The following DNAH2 variants were observed in gnomAD, a reference collection of about 807,000 sequenced individuals.
DNAH2 encodes axonemal beta dynein heavy chain 2.
A neutral mutation model predicts 523.5 loss-of-function variants in DNAH2; 323 were observed. The ratio of observed to expected loss-of-function variants is 0.62; its 90% CI spans 0.56 to 0.68. The LOEUF is 0.68. Among genes scored for constraint, DNAH2 ranks in the 30% least tolerant of loss-of-function variants. DNAH2 has a pLI of 0.00. For missense variants in DNAH2, 4,907 were observed against 5,701.5 expected (o/e 0.86, Z 4.49); for synonymous variants, 2,093 against 2,177.4 (o/e 0.96, Z 1.08).
Position 7,726,716 on chromosome 17 carries a change from C to G in DNAH2, c.229-406C>G, listed in dbSNP as rs560719328. Among the ~76,000 whole-genome samples, 8 of 152,254 alleles carry G rather than the reference C, an allele frequency of 5.3e-5. No homozygotes were observed. In the East Asian group the frequency reaches 1.5e-3, roughly 29 times the overall value. ...TGGACTCCATCGTGAAGAAATTGCTCCTATACCCTCTCCCTTTTCCAGCTT... is the reference window on the plus strand; with the variant it reads ...TGGACTCCATCGTGAAGAAATTGCTGCTATACCCTCTCCCTTTTCCAGCTT... On this transcript the variant is annotated intron_variant, in intron 3 of 85. Coordinates refer to ENST00000572933, the MANE Select transcript of DNAH2 (RefSeq NM_020877.5).
chr17:7,806,400 G>GT (rs1158234898), intron 61 of DNAH2, among the ~76,000 whole-genome samples: 2 of 152,182 alleles, frequency 1.3e-5, no homozygotes, highest in African/African-American at 4.8e-5. Context: ...GCTCACGCCT[G>GT]TAATCCCAGC....
Position 7,811,044 on chromosome 17 carries a change from G to A in DNAH2, c.9729+3458G>A, listed in dbSNP as rs572733421. On this transcript the variant is annotated intron_variant, in intron 63 of 85. Coordinates refer to ENST00000572933, the MANE Select transcript of DNAH2 (RefSeq NM_020877.5). ...AATCTTAATATACTTTAAGGCGACT[G>A]TATCCCCAAGTCTGAACATTCCCAT... Among the ~76,000 whole-genome samples, 25 of 152,308 alleles carry A rather than the reference G, an allele frequency of 1.6e-4. 1 individual carries two copies. In the South Asian group the frequency reaches 5.2e-3, roughly 32 times the overall value.
chr17:7,750,496 A>G (rs867006000), intron 12 of DNAH2, among the ~76,000 whole-genome samples: 5 of 152,154 alleles, frequency 3.3e-5, no homozygotes, highest in African/African-American at 1.2e-4. Context: ...TAGCTTCCTA[A>G]GAAATGGTGC....
chr17:7,733,540 C>T (rs930390842), intron 5 of DNAH2, among the ~76,000 whole-genome samples: 9 of 146,702 alleles, frequency 6.1e-5, no homozygotes, highest in Non-Finnish European at 1.2e-4. Flanking sequence ...TGCAATGGCG[C>T]GATCTTGGCT....
rs191692641 is a variant in DNAH2 at position 7,812,389 on chromosome 17, C to T, written c.9730-4182C>T. Among the ~76,000 whole-genome samples, 225 of 151,836 alleles carry T rather than the reference C, an allele frequency of 1.5e-3. 1 individual carries two copies. The highest frequency in any genetic ancestry group is 4.8e-3 in the African/African-American group (197 of 41,362). On this transcript the variant is annotated intron_variant, in intron 63 of 85. Coordinates refer to ENST00000572933, the MANE Select transcript of DNAH2 (RefSeq NM_020877.5). ...TCCTAGCTCTTTGGGAGGCAGGGGC[C>T]GGGGGATTGCTTGAGCCTAGAAGTT...
At chr17:7,797,086 A>C (rs573041423) in intron 50 of DNAH2, 90 bp from the exon 51 acceptor site, 2 of 1,167,152 alleles carry the variant, frequency 1.7e-6, no homozygotes, top group East Asian at 5.0e-5. Context: ...TTGGAGACAG[A>C]GTGAGACTCT....
In DNAH2 at chr17:7,778,359, G is replaced by A. The variant is rs752893784; in HGVS notation, c.5431G>A (p.Glu1811Lys). ...PKGPAGTGKTETVKDLGKALG... is the reference protein window; with the variant it reads ...PKGPAGTGKTKTVKDLGKALG... ...AGGCCCTGCAGGCACAGGCAAGACCGAGACCGTCAAGGACCTGGGCAAGGC... is the reference window on the plus strand; with the variant it reads ...AGGCCCTGCAGGCACAGGCAAGACCAAGACCGTCAAGGACCTGGGCAAGGC... Residue 1811 changes from glutamate to lysine, a missense_variant, in exon 35 of 86, where the codon GAG (glutamate) becomes AAG (lysine). Glu to Lys is a moderately conservative substitution (Grantham distance 56, BLOSUM62 1). Coordinates refer to ENST00000572933, the MANE Select transcript of DNAH2 (RefSeq NM_020877.5). 13 of 1,614,100 alleles carry A rather than the reference G, an allele frequency of 8.1e-6. No homozygotes were observed. The highest frequency in any genetic ancestry group is 1.6e-4 in the Middle Eastern group (1 of 6,082).
intron 45 of DNAH2, 21 bp downstream of exon 45, chr17:7,792,090 T>A: frequency 6.2e-7 from 1 of 1,611,690 alleles, no homozygotes; most frequent in South Asian, 1.1e-5. Flanking sequence ...CACCTGGCTG[T>A]CCTATTTGCC....
intron 12 of DNAH2, among the ~76,000 whole-genome samples, chr17:7,749,252 G>A (rs1376135485): frequency 7.5e-6 from 1 of 134,032 alleles, no homozygotes. Flanking sequence ...AGGTTGTGGT[G>A]AGCCGAGATT....
intron 33 of DNAH2, 72 bp from the exon 34 acceptor site, chr17:7,778,005 T>C: frequency 1.5e-6 from 2 of 1,378,620 alleles, no homozygotes; most frequent in Non-Finnish European, 1.0e-6. Flanking sequence ...TGAGCCCCAC[T>C]CTCAGTCATT....
rs878920297 is a variant in DNAH2, at chr17:7,720,052, C to G, written c.166+152C>G. Reference sequence around the variant, plus strand: ...CCCCCAGCCATGGAGGTTCAGCAGCCCTGCCACTGAGTCCTTTTTTTGTAT... The same window carrying G: ...CCCCCAGCCATGGAGGTTCAGCAGCGCTGCCACTGAGTCCTTTTTTTGTAT... On this transcript the variant is annotated intron_variant, in intron 2 of 85. Transcript: ENST00000572933. The G allele has an allele frequency of 8.7e-6, 8 of 914,448 alleles. No individual in the cohort carries two copies. The Admixed American group carries it at 2.6e-4, about 30-fold the overall frequency. 56.6% of individuals were successfully genotyped at this position (914,448 alleles called of 1,614,324 possible).
chr17:7,737,552 A>G (rs1208167037), intron 8 of DNAH2, among the ~76,000 whole-genome samples: 1 of 152,206 alleles, frequency 6.6e-6, no homozygotes, highest in Non-Finnish European at 1.5e-5. Context: ...CAGACCCCCA[A>G]GCTGAGCTGT....
intron 44 of DNAH2, among the ~76,000 whole-genome samples, chr17:7,791,257 G>A (rs1039487135): frequency 6.6e-6 from 1 of 151,830 alleles, no homozygotes; most frequent in East Asian, 2.0e-4. Flanking sequence ...TTTTAGTAGA[G>A]ATGGGGTTTC....
chr17:7,761,691 G>A (rs1237642126), intron 18 of DNAH2, among the ~76,000 whole-genome samples: 1 of 151,946 alleles, frequency 6.6e-6, no homozygotes, highest in Non-Finnish European at 1.5e-5. Context: ...CACCATGTTG[G>A]CCAGGCTGGT....
chr17:7,741,152 T>A (rs937661926), intron 11 of DNAH2, among the ~76,000 whole-genome samples, 160 bp downstream of exon 11: 15 of 152,092 alleles, frequency 9.9e-5, no homozygotes, highest in Admixed American at 9.8e-4. Context: ...TGGGTTAAGA[T>A]CTGCAGAGGT....
chr17:7,743,286 T>TC, intron 12 of DNAH2, 144 bp downstream of exon 12: 2 of 961,528 alleles, frequency 2.1e-6, no homozygotes, highest in South Asian at 1.4e-5. Flanking sequence ...TACTTTTTTT[T>TC]TTCTTCTTTT....
chr17:7,811,678 T>A (rs1200769162), intron 63 of DNAH2, among the ~76,000 whole-genome samples: 1 of 152,208 alleles, frequency 6.6e-6, no homozygotes, highest in Non-Finnish European at 1.5e-5. Context: ...TTCTTGGGCT[T>A]CTTTTACTAG....
rs1027754995 is a variant in DNAH2 at position 7,823,330 on chromosome 17, CGAGA to C, written c.11143-105_11143-102del. 10 of 1,054,126 alleles carry C rather than the reference CGAGA, an allele frequency of 9.5e-6. No homozygotes were observed. The Middle Eastern group carries it at 2.0e-3, about 208-fold the overall frequency. The allele number at this position is 1,054,126 out of a possible 1,614,324, so 65.3% of individuals were successfully genotyped here. A position where few individuals can be genotyped will look rare whatever the true frequency, so the allele number is the denominator to read the frequency against. ...AAAAAATTCCATTTGGTTTTCCCACCGAGAGAGAGAAAAATACAGAGAGAGAGAG... is the reference window on the plus strand; with the variant it reads ...AAAAAATTCCATTTGGTTTTCCCACCGAGAGAAAAATACAGAGAGAGAGAG... On this transcript the variant is annotated intron_variant, in intron 73 of 85. Transcript: ENST00000572933.
At chr17:7,721,930 G>A (rs943767713) in intron 2 of DNAH2, among the ~76,000 whole-genome samples, 1 of 152,216 alleles carries the variant, frequency 6.6e-6, no homozygotes, top group Non-Finnish European at 1.5e-5. Flanking sequence ...AGGGCCAGAA[G>A]CTGTATGCCT....
Sources: allele counts gnomAD v4.1 joint callset (sites outside exome capture counted in the v4.1 genomes callset), GRCh38; gene constraint gnomAD v4.1.1; transcripts MANE v1.5; gene names NCBI Gene and HGNC (gene_info 2026-07-23, HGNC 2026-07-21).